The following MEGF11 variants were observed in gnomAD, a reference collection of about 807,000 sequenced individuals.
The protein encoded by MEGF11 is multiple epidermal growth factor-like domains protein 11.
In MEGF11, 126 loss-of-function variants were observed where a neutral mutation model predicts 146.6. The observed-to-expected ratio is 0.86, with a 90% CI of 0.74 to 1.00. The LOEUF is 1.00. MEGF11 is among the 50% of genes least tolerant of loss of function. MEGF11 has a pLI of 0.00. For synonymous variants in MEGF11, 532 were observed against 583.4 expected (o/e 0.91, Z 1.27); for missense variants, 1,509 against 1,521.2 (o/e 0.99, Z 0.13).
At chr15:66,011,472 G>A (rs905282988) in intron 5 of MEGF11, among the ~76,000 whole-genome samples, 2 of 152,102 alleles carry the variant, frequency 1.3e-5, no homozygotes, top group Non-Finnish European at 2.9e-5. Context: ...TGTGAACATC[G>A]AGAAGTCAGA....
chr15:65,970,997 C>G (rs571467343), intron 7 of MEGF11: 2 of 402,512 alleles, frequency 5.0e-6, no homozygotes, highest in South Asian at 2.9e-5. Context: ...CCAAAAAAAC[C>G]GCTAAGTACA....
At chr15:66,062,433 C>A (rs2084943340) in intron 5 of MEGF11, among the ~76,000 whole-genome samples, 1 of 152,184 alleles carries the variant, frequency 6.6e-6, no homozygotes, top group African/African-American at 2.4e-5. Context: ...CTGTGGGCAG[C>A]CTCTAGGAGT....
At chr15:66,056,402 A>G (rs2084675889) in intron 5 of MEGF11, among the ~76,000 whole-genome samples, 2 of 152,146 alleles carry the variant, frequency 1.3e-5, no homozygotes. Context: ...AAACAAGATA[A>G]TGTAGATATA....
chr15:65,960,538 T>TTA (rs2080823079), intron 9 of MEGF11, among the ~76,000 whole-genome samples: 1 of 152,234 alleles, frequency 6.6e-6, no homozygotes, highest in Admixed American at 6.5e-5. Flanking sequence ...CCTTTGAGGT[T>TTA]TAGGGTTAGC....
At chr15:65,906,435 A>AG (rs1316733232) in intron 23 of MEGF11, among the ~76,000 whole-genome samples, 6 of 152,180 alleles carry the variant, frequency 3.9e-5, no homozygotes, top group Non-Finnish European at 7.3e-5. Context: ...CCTTCACCCT[A>AG]GGGGAGTGTC....
intron 1 of MEGF11, among the ~76,000 whole-genome samples, chr15:66,232,605 C>T (rs144879945): frequency 6.6e-6 from 1 of 152,316 alleles, no homozygotes; most frequent in African/African-American, 2.4e-5. Context: ...CACTCCAGAA[C>T]CTTAGGGTCT....
intron 5 of MEGF11, among the ~76,000 whole-genome samples, chr15:65,984,611 T>C (rs1055246017): frequency 4.8e-5 from 7 of 146,632 alleles, no homozygotes; most frequent in African/African-American, 1.7e-4. Context: ...CCTCATCCTC[T>C]CTTTGGGACA....
chr15:66,159,025 CTT>C (rs1446429118), intron 1 of MEGF11, among the ~76,000 whole-genome samples: 3 of 152,150 alleles, frequency 2.0e-5, no homozygotes, highest in African/African-American at 7.2e-5. Context: ...CTAATTTTTG[CTT>C]TGAGAGTTGA....
At chr15:66,209,746 G>C (rs2091396254) in intron 1 of MEGF11, among the ~76,000 whole-genome samples, 1 of 152,124 alleles carries the variant, frequency 6.6e-6, no homozygotes, top group South Asian at 2.1e-4. Flanking sequence ...GTGGTTGCCT[G>C]GGGTTTAGGA....
intron 1 of MEGF11, among the ~76,000 whole-genome samples, chr15:66,195,592 G>A (rs1039723908): frequency 6.6e-6 from 1 of 152,212 alleles, no homozygotes; most frequent in African/African-American, 2.4e-5. Flanking sequence ...CAGCGCTGCA[G>A]GCAACTGGGC....
At chr15:66,114,341 T>C (rs2087606335) in intron 4 of MEGF11, among the ~76,000 whole-genome samples, 1 of 152,202 alleles carries the variant, frequency 6.6e-6, no homozygotes, top group Non-Finnish European at 1.5e-5. Context: ...GGGGTGAGGC[T>C]GACAAGGAGC....
rs2084290346 is a variant in MEGF11, at chr15:66,048,097, C to T, written c.394+46305G>A. On this transcript the variant is annotated intron_variant, in intron 5 of 25. Coordinates refer to ENST00000395614, the MANE Select transcript of MEGF11 (RefSeq NM_001385028.1). ...AGAAGCTGGGACTACAGGCATGTAC[C>T]ACCACGCCCAGCTAATTTTTGTATT... Among the ~76,000 whole-genome samples, 3 of 152,146 alleles carry T rather than the reference C, an allele frequency of 2.0e-5. 1 individual carries two copies. The South Asian group carries it at 6.2e-4, about 32-fold the overall frequency.
At chr15:65,969,558 A>G (rs962849706) in intron 8 of MEGF11, among the ~76,000 whole-genome samples, 1 of 152,188 alleles carries the variant, frequency 6.6e-6, no homozygotes, top group Non-Finnish European at 1.5e-5. Flanking sequence ...CTAATGGACA[A>G]TCTCTTTTCT....
chr15:65,916,203 G>A lies in MEGF11; in HGVS notation c.2289C>T (p.His763=). 6.3e-7 allele frequency: 1 copy of A among 1,579,274 alleles called. No homozygotes were observed. Among genetic ancestry groups the A allele is most frequent in the Non-Finnish European group, 8.6e-7 (1 of 1,162,626 alleles). ...TGCGGCAGGTGCACTTGCCACTGATGTGGTCACAGCTGGCGCCATTCTGAC... is the reference window on the plus strand; with the variant it reads ...TGCGGCAGGTGCACTTGCCACTGATATGGTCACAGCTGGCGCCATTCTGAC... ...CQCQNGASCD[H]ISGKCTCRTG... is the part of the protein sequence containing the mutation. The change falls in exon 18 of 26, where the codon CAC becomes CAT. Residue 763 remains histidine, a synonymous_variant. Transcript: ENST00000395614.
At chr15:66,039,089 T>A (rs1228366499) in intron 5 of MEGF11, among the ~76,000 whole-genome samples, 1 of 152,134 alleles carries the variant, frequency 6.6e-6, no homozygotes, top group Admixed American at 6.5e-5. Flanking sequence ...GAGAAATGAA[T>A]GATAAATGGG....
At chr15:66,222,584 T>C (rs147406976) in intron 1 of MEGF11, among the ~76,000 whole-genome samples, 1 of 152,352 alleles carries the variant, frequency 6.6e-6, no homozygotes, top group Non-Finnish European at 1.5e-5. Context: ...CCGGGTCTCA[T>C]TCATCCTGGC....
At chr15:66,243,697 T>C (rs2092253325) in intron 1 of MEGF11, among the ~76,000 whole-genome samples, 1 of 152,148 alleles carries the variant, frequency 6.6e-6, no homozygotes. Flanking sequence ...GAAAGAGTTT[T>C]GGGGTGTTTT....
chr15:66,148,184 C>T (rs564629380), intron 1 of MEGF11, among the ~76,000 whole-genome samples: 33 of 151,952 alleles, frequency 2.2e-4, no homozygotes, highest in Non-Finnish European at 3.7e-4. Flanking sequence ...AAAATGTTGG[C>T]AGGGACTCCC....
At chr15:66,212,220 A>G (rs1426492647) in intron 1 of MEGF11, among the ~76,000 whole-genome samples, 1 of 152,122 alleles carries the variant, frequency 6.6e-6, no homozygotes, top group East Asian at 2.0e-4. Flanking sequence ...GACGGGTGTC[A>G]GGGAGCAAGT....
Sources: allele counts gnomAD v4.1 joint callset (sites outside exome capture counted in the v4.1 genomes callset), GRCh38; gene constraint gnomAD v4.1.1; transcripts MANE v1.5; gene names NCBI Gene and HGNC (gene_info 2026-07-23, HGNC 2026-07-21).